The following MYO3B variants were observed in gnomAD, a reference collection of about 807,000 sequenced individuals.
MYO3B encodes the protein myosin IIIB.
MYO3B carries 156 observed loss-of-function variants against 174.6 expected under a neutral mutation model. The ratio of observed to expected loss-of-function variants is 0.89; its 90% CI spans 0.78 to 1.02. The LOEUF (loss-of-function observed/expected upper bound fraction) is 1.02, where lower values mean the gene tolerates loss of function less well. MYO3B is among the 50% of genes least tolerant of loss of function. The pLI is 0.00. For missense variants in MYO3B, 1,632 were observed against 1,639.4 expected, an observed-to-expected ratio of 1.00 and a Z score of 0.08; for synonymous variants, 563 against 569.1, an observed-to-expected ratio of 0.99 and a Z score of 0.15.
intron 32 of MYO3B, among the ~76,000 whole-genome samples, chr2:170,575,229 T>G (rs72625226): frequency 0.047 from 7,107 of 152,208 alleles, 366 homozygotes; most frequent in East Asian, 0.25. Flanking sequence ...CCAGCAAGTG[T>G]TTGTATTTAA....
chr2:170,519,346 G>T, intron 29 of MYO3B, 92 bp from the exon 30 acceptor site: 2 of 899,110 alleles, frequency 2.2e-6, no homozygotes, highest in Non-Finnish European at 3.5e-6. Context: ...TGAGGGCAGG[G>T]AGAGAAGGGC....
intron 7 of MYO3B, among the ~76,000 whole-genome samples, chr2:170,266,425 A>T (rs1426418049): frequency 2.0e-5 from 3 of 152,208 alleles, no homozygotes; most frequent in African/African-American, 7.2e-5. Context: ...TTATGGGCTA[A>T]TTACATTTTT....
intron 7 of MYO3B, among the ~76,000 whole-genome samples, chr2:170,330,637 T>C (rs573580264): frequency 6.6e-6 from 1 of 152,296 alleles, no homozygotes; most frequent in Admixed American, 6.5e-5. Flanking sequence ...TGACCCACCA[T>C]GTATGTGTGT....
intron 32 of MYO3B, among the ~76,000 whole-genome samples, chr2:170,614,984 GTTAT>G (rs1441584282): frequency 2.6e-5 from 4 of 151,918 alleles, no homozygotes; most frequent in African/African-American, 9.7e-5. Flanking sequence ...TGAAACTGAT[GTTAT>G]TTAATGTCAC....
chr2:170,403,307 C>T (rs1018624472), intron 19 of MYO3B, among the ~76,000 whole-genome samples: 3 of 152,112 alleles, frequency 2.0e-5, no homozygotes, highest in Admixed American at 6.5e-5. Context: ...TTTATGATTG[C>T]GTTCAAAATG....
intron 7 of MYO3B, among the ~76,000 whole-genome samples, chr2:170,331,510 T>C (rs759711364): frequency 2.6e-5 from 4 of 152,152 alleles, no homozygotes; most frequent in Non-Finnish European, 5.9e-5. Context: ...GAAGACTTGA[T>C]ACTTGATTGG....
At chr2:170,236,258 A>AT in intron 7 of MYO3B, 122 bp downstream of exon 7, 1 of 1,071,610 alleles carries the variant, frequency 9.3e-7, no homozygotes, top group Non-Finnish European at 1.3e-6. Flanking sequence ...TGTGAAATAT[A>AT]TTTTCTTTGA....
At chr2:170,257,155 T>G (rs2093311563) in intron 7 of MYO3B, among the ~76,000 whole-genome samples, 1 of 152,140 alleles carries the variant, frequency 6.6e-6, no homozygotes, top group Admixed American at 6.5e-5. Context: ...GCGGGGGACT[T>G]CAACACCCCA....
chr2:170,303,586 C>A (rs1186832091), intron 7 of MYO3B, among the ~76,000 whole-genome samples: 2 of 151,942 alleles, frequency 1.3e-5, no homozygotes, highest in African/African-American at 4.8e-5. Flanking sequence ...GATATTAAGC[C>A]TAGTACCCAT....
intron 13 of MYO3B, among the ~76,000 whole-genome samples, 191 bp downstream of exon 13, chr2:170,386,463 G>A (rs1265587859): frequency 6.6e-6 from 1 of 152,056 alleles, no homozygotes; most frequent in African/African-American, 2.4e-5. Flanking sequence ...CACGTAGGGA[G>A]GAGAATAATT....
At chr2:170,314,173 C>T (rs2093758669) in intron 7 of MYO3B, among the ~76,000 whole-genome samples, 1 of 152,138 alleles carries the variant, frequency 6.6e-6, no homozygotes, top group Admixed American at 6.5e-5. Context: ...ATACTGTGGC[C>T]AAATTCTGCC....
At chr2:170,251,247 T>C (rs957248350) in intron 7 of MYO3B, among the ~76,000 whole-genome samples, 5 of 152,104 alleles carry the variant, frequency 3.3e-5, no homozygotes, top group African/African-American at 4.8e-5. Context: ...TTTTTTTCTT[T>C]ATGTTAGAGT....
intron 9 of MYO3B, among the ~76,000 whole-genome samples, chr2:170,381,495 G>A (rs1574884766): frequency 1.3e-5 from 2 of 152,174 alleles, no homozygotes; most frequent in East Asian, 3.9e-4. Context: ...ATGGGACAAG[G>A]GTCACAAAGG....
In MYO3B at chr2:170,370,624, TACACACACACACACACACAC is replaced by T. The variant is rs55790344; in HGVS notation, c.971+1279_971+1298del. On this transcript the variant is annotated intron_variant, in intron 9 of 34. Transcript: ENST00000408978. ...CCAGCCACCACCCCTACCACCCACC[TACACACACACACACACACAC>T]ACACACACACACACACACACACACA... 8.8e-3 allele frequency among the ~76,000 whole-genome samples: 1,146 copies of T among 129,540 alleles called. 17 individuals are homozygous for T. Among genetic ancestry groups the T allele is most frequent in the African/African-American group, 0.027 (949 of 35,056 alleles). 85.0% of individuals were successfully genotyped at this position (129,540 alleles called of 152,430 possible).
intron 9 of MYO3B, among the ~76,000 whole-genome samples, chr2:170,378,463 G>A (rs1488459125): frequency 6.6e-6 from 1 of 152,146 alleles, no homozygotes; most frequent in Non-Finnish European, 1.5e-5. Context: ...CTGTAAGCAT[G>A]GAAAGAGGCC....
intron 7 of MYO3B, among the ~76,000 whole-genome samples, chr2:170,292,167 C>G (rs1280566784): frequency 6.6e-6 from 1 of 152,112 alleles, no homozygotes; most frequent in Non-Finnish European, 1.5e-5. Context: ...AATCTTCAAG[C>G]TCACTGATTT....
chr2:170,537,058 G>A (rs952255415), intron 30 of MYO3B, among the ~76,000 whole-genome samples: 3 of 151,934 alleles, frequency 2.0e-5, no homozygotes, highest in South Asian at 2.1e-4. Context: ...AAAATTAGCC[G>A]GGCGTGGTGG....
intron 20 of MYO3B, among the ~76,000 whole-genome samples, chr2:170,405,133 C>G (rs1197551601): frequency 6.6e-6 from 1 of 152,172 alleles, no homozygotes; most frequent in Non-Finnish European, 1.5e-5. Flanking sequence ...TTTTCCCCAG[C>G]TGGAAAATTG....
rs182801000 is a variant in MYO3B, at chr2:170,430,519, G to A, written c.2651-13448G>A. 6.6e-5 allele frequency among the ~76,000 whole-genome samples: 10 copies of A among 152,004 alleles called. No individual in the cohort carries two copies. In the South Asian group the frequency reaches 8.3e-4, roughly 13 times the overall value. ...CCTGAGTGACTGGTATTACAGGTGC[G>A]TGCCACCATGCCCAGCTTATTTTTG... On this transcript the variant is annotated intron_variant, in intron 22 of 34. Coordinates refer to ENST00000408978, the MANE Select transcript of MYO3B (RefSeq NM_138995.5).
Sources: gnomAD v4.1 joint callset for allele counts (sites outside exome capture counted in the v4.1 genomes callset) on GRCh38, gnomAD v4.1.1 for gene constraint, MANE v1.5 for transcripts, NCBI Gene and HGNC (gene_info 2026-07-23, HGNC 2026-07-21) for gene names.